PACS2: variants seen among roughly 807,000 people sequenced by gnomAD.
The protein encoded by PACS2 is phosphofurin acidic cluster sorting protein 2.
PACS2 carries 36 observed loss-of-function variants against 113.0 expected under a neutral mutation model. The ratio of observed to expected loss-of-function variants is 0.32; its 90% CI spans 0.24 to 0.42. The LOEUF (loss-of-function observed/expected upper bound fraction) is 0.42, where lower values mean the gene tolerates loss of function less well. Ranked by LOEUF, PACS2 falls within the 10% of genes least tolerant of loss-of-function variation. The pLI, the probability that PACS2 is intolerant of heterozygous loss-of-function variation, is 1.00. For missense variants in PACS2, 1,015 were observed against 1,239.5 expected, an observed-to-expected ratio of 0.82 and a Z score of 2.72; for synonymous variants, 589 against 536.1, an observed-to-expected ratio of 1.10 and a Z score of -1.36.
In PACS2 at chr14:105,396,846, A is replaced by T. The variant is rs1258826024; in HGVS notation, c.*2174A>T. On this transcript the variant is annotated 3_prime_UTR_variant, in exon 25 of 25. Transcript: ENST00000447393. Reference sequence around the variant, plus strand: ...CCCAAGGGTCACACTCAGTAGGGAGATGAAGGTGGAAACATCCTTGCTGTG... The same window carrying T: ...CCCAAGGGTCACACTCAGTAGGGAGTTGAAGGTGGAAACATCCTTGCTGTG... 6.6e-6 allele frequency: 1 copy of T among 152,120 alleles called. No individual in the cohort carries two copies. The highest frequency in any genetic ancestry group is 2.4e-5 in the African/African-American group (1 of 41,378). 9.4% of individuals were successfully genotyped at this position (152,120 alleles called of 1,614,324 possible). A position where few individuals can be genotyped will look rare whatever the true frequency, so the allele number is the denominator to read the frequency against.
At chr14:105,371,076 A>G (rs949167458) in intron 8 of PACS2, 1 of 152,428 alleles carries the variant, frequency 6.6e-6, no homozygotes, top group Middle Eastern at 3.4e-3. Flanking sequence ...CCATGTGCCG[A>G]AACAGGTGCT....
Position 105,381,900 on chromosome 14 carries a change from C to G in PACS2, c.1269-14C>G. The G allele has an allele frequency of 6.5e-7, 1 of 1,549,594 alleles. No homozygotes were observed. On this transcript the variant is annotated splice_polypyrimidine_tract_variant and intron_variant, in intron 12 of 24. Transcript: ENST00000447393. The stretch of plus-strand genomic sequence containing the variant: ...TGCTGCCACAGCCACTTAGCCTGTC[C>G]TGGTCCCCAATAGGTCCGAGGGGAA...
At chr14:105,385,980 T>G (rs2081164079) in intron 19 of PACS2, among the ~76,000 whole-genome samples, 1 of 152,190 alleles carries the variant, frequency 6.6e-6, no homozygotes, top group Admixed American at 6.5e-5. Context: ...GGCCCTCCTG[T>G]CCCTGGCCAG....
At chr14:105,353,365 G>T (rs2060307296) in intron 3 of PACS2, among the ~76,000 whole-genome samples, 1 of 123,822 alleles carries the variant, frequency 8.1e-6, no homozygotes, top group Non-Finnish European at 1.6e-5. Context: ...ACTGTCCCCT[G>T]GGGTGATGGC....
At chr14:105,305,138 C>T (rs1190459907) in intron 1 of PACS2, among the ~76,000 whole-genome samples, 2 of 152,148 alleles carry the variant, frequency 1.3e-5, no homozygotes, top group African/African-American at 2.4e-5. Flanking sequence ...CAGTGGCTCA[C>T]ATCTGTGATC....
chr14:105,383,289 A>G, intron 15 of PACS2, 70 bp from the exon 16 acceptor site: 2 of 1,560,766 alleles, frequency 1.3e-6, no homozygotes, highest in Non-Finnish European at 8.7e-7. Context: ...TCACACTGGC[A>G]TCCTTGGATG....
At chr14:105,377,667 C>T (rs951967634) in intron 9 of PACS2, among the ~76,000 whole-genome samples, 1 of 152,232 alleles carries the variant, frequency 6.6e-6, no homozygotes, top group Non-Finnish European at 1.5e-5. Context: ...CCAGTTAGCC[C>T]TGCAGCCACG....
At chr14:105,320,733 C>T (rs2058852324) in intron 1 of PACS2, among the ~76,000 whole-genome samples, 1 of 152,222 alleles carries the variant, frequency 6.6e-6, no homozygotes, top group African/African-American at 2.4e-5. Context: ...TAGTCCTTAG[C>T]AGATTTTGGC....
At chr14:105,369,360 G>A (rs1317588075) in intron 7 of PACS2, among the ~76,000 whole-genome samples, 1 of 152,164 alleles carries the variant, frequency 6.6e-6, no homozygotes, top group Non-Finnish European at 1.5e-5. Context: ...GTTGGTCCCC[G>A]AGAGGGTGGC....
chr14:105,300,906 C>T (rs955851426), exon 1 of PACS2: 3 of 160,592 alleles, frequency 1.9e-5, no homozygotes, highest in Non-Finnish European at 2.7e-5. Flanking sequence ...AGCTGGCCTC[C>T]CTTGCGGCGC....
At chr14:105,303,086 G>C (rs587683048) in intron 1 of PACS2, among the ~76,000 whole-genome samples, 1 of 151,958 alleles carries the variant, frequency 6.6e-6, no homozygotes, top group Admixed American at 6.6e-5. Context: ...GTGCCACCAC[G>C]CCCAGCTAAT....
Position 105,383,335 on chromosome 14 carries a change from G to A in PACS2, c.1626-24G>A, listed in dbSNP as rs78973899. ...CCCCTGAGGCGTCTGTCCCCTCTCC[G>A]TCCCACCTGCCTCTGGATTGCAGCT... On this transcript the variant is annotated intron_variant, in intron 15 of 24. Transcript: ENST00000447393. The A allele has an allele frequency of 5.2e-3, 8,297 of 1,603,840 alleles. 393 individuals are homozygous for A. In the African/African-American group the frequency reaches 0.096, roughly 18 times the overall value.
At position 105,393,226 on chromosome 14, in the gene PACS2, G is replaced by A. The variant is rs369856943; in HGVS notation, c.2487G>A (p.Met829Ile). Reference protein sequence around the residue: ...VVTKEKNKKVMFLPKKAKDKD... With the variant: ...VVTKEKNKKVIFLPKKAKDKD... The stretch of plus-strand genomic sequence containing the variant: ...GGGCCTCTTTTCTCCTCCCAGTGAT[G>A]TTTCTGCCCAAGAAAGCGAAGGACA... The change falls in exon 24 of 25, where the codon ATG (methionine) becomes ATA (isoleucine). Residue 829 changes from methionine to isoleucine, a missense_variant. By Grantham distance (10) the Met-to-Ile change is conservative. Coordinates refer to ENST00000447393, the MANE Select transcript of PACS2 (RefSeq NM_001100913.3). 1.2e-6 allele frequency: 2 copies of A among 1,612,058 alleles called. No individual in the cohort carries two copies. The highest frequency in any genetic ancestry group is 1.3e-5 in the African/African-American group (1 of 75,048).
intron 1 of PACS2, among the ~76,000 whole-genome samples, chr14:105,306,291 GT>G (rs1252724050): frequency 1.4e-5 from 2 of 146,630 alleles, no homozygotes; most frequent in Non-Finnish European, 2.9e-5. Context: ...TTTTGGGTTT[GT>G]TTTGTTTTGT....
intron 2 of PACS2, among the ~76,000 whole-genome samples, chr14:105,349,181 A>G (rs1350904790): frequency 6.6e-6 from 1 of 152,222 alleles, no homozygotes; most frequent in Non-Finnish European, 1.5e-5. Flanking sequence ...CCAGTGGCCC[A>G]GACAGGGAGG....
At chr14:105,380,744 G>T (rs1302907570) in intron 11 of PACS2, among the ~76,000 whole-genome samples, 4 of 152,236 alleles carry the variant, frequency 2.6e-5, no homozygotes, top group Non-Finnish European at 5.9e-5. Flanking sequence ...TGGGAGGTTG[G>T]GGGCTGGTCA....
At chr14:105,353,020 G>A (rs1181512071) in intron 3 of PACS2, among the ~76,000 whole-genome samples, 1 of 133,026 alleles carries the variant, frequency 7.5e-6, no homozygotes, top group East Asian at 2.4e-4. Context: ...TGTCCCCTGG[G>A]GAGACGGGCA....
chr14:105,368,913 C>G (rs1006785703), intron 7 of PACS2, among the ~76,000 whole-genome samples: 2 of 152,242 alleles, frequency 1.3e-5, no homozygotes, highest in South Asian at 4.1e-4. Flanking sequence ...GGGATCTGGC[C>G]TACCTACCTC....
rs1555405443 is a variant in PACS2 at position 105,357,068 on chromosome 14, A to G, written c.423+1891A>G. Among the ~76,000 whole-genome samples, 1 of 152,062 alleles carries G rather than the reference A, an allele frequency of 6.6e-6. No individual in the cohort carries two copies. Among genetic ancestry groups the G allele is most frequent in the African/African-American group, 2.4e-5 (1 of 41,400 alleles). ...GCCGGTCCCTGTGAGCTCCTGCCCC[A>G]GGCTGCTCCGCCCACATCTCTCAGT... is the stretch of plus-strand genomic sequence containing the variant. On this transcript the variant is annotated intron_variant, in intron 4 of 24. Transcript: ENST00000447393. This position sits in a 1 kb window ranked among gnomAD's most constrained non-coding sequence, Gnocchi z 5.1.
Sources: allele counts gnomAD v4.1 joint callset (sites outside exome capture counted in the v4.1 genomes callset), GRCh38; gene constraint gnomAD v4.1.1; non-coding constraint Gnocchi (gnomAD v3.1); transcripts MANE v1.5; gene names NCBI Gene and HGNC (gene_info 2026-07-23, HGNC 2026-07-21).